TTC23: variants seen among roughly 807,000 people sequenced by gnomAD.
TTC23 encodes tetratricopeptide repeat domain 23.
Under a neutral mutation model 55.1 loss-of-function variants are expected in TTC23, and 58 were observed. That is an observed-to-expected ratio of 1.05 (90% CI 0.85 to 1.31). TTC23 has a LOEUF of 1.31. Among genes scored for constraint, TTC23 ranks in the 50% most tolerant of loss-of-function variants. The probability of loss-of-function intolerance (pLI) is 0.00; values close to 1 mark genes in which losing one functional copy is unlikely to be tolerated. For missense variants in TTC23, 516 were observed against 534.4 expected, an observed-to-expected ratio of 0.97 and a Z score of 0.34; for synonymous variants, 203 against 199.9, an observed-to-expected ratio of 1.02 and a Z score of -0.13.
chr15:99,142,193 C>T (rs993110704), intron 12 of TTC23, among the ~76,000 whole-genome samples: 1 of 152,168 alleles, frequency 6.6e-6, no homozygotes, highest in South Asian at 2.1e-4. Flanking sequence ...CCTTCCAGCA[C>T]CCTGCTTGGG....
intron 3 of TTC23, among the ~76,000 whole-genome samples, chr15:99,238,914 C>T (rs1014837038): frequency 3.9e-5 from 6 of 152,016 alleles, no homozygotes; most frequent in African/African-American, 1.4e-4. Flanking sequence ...TATCTTTTTT[C>T]TTGAGCACCT....
intron 8 of TTC23, among the ~76,000 whole-genome samples, chr15:99,217,498 ATTGT>A (rs2077570594): frequency 6.6e-6 from 1 of 152,196 alleles, no homozygotes; most frequent in Non-Finnish European, 1.5e-5. Flanking sequence ...ATAAAACAAT[ATTGT>A]TTGTTATTCA....
intron 11 of TTC23, chr15:99,161,189 T>TA (rs1317034430): frequency 2.0e-5 from 3 of 151,954 alleles, no homozygotes; most frequent in Non-Finnish European, 4.4e-5. Context: ...TATTAATATG[T>TA]ACACACACAC....
At chr15:99,182,107 G>A (rs1426183173) in intron 9 of TTC23, among the ~76,000 whole-genome samples, 1 of 151,968 alleles carries the variant, frequency 6.6e-6, no homozygotes, top group African/African-American at 2.4e-5. Context: ...CTTAAGTGGT[G>A]GAAAAGAATA....
intron 9 of TTC23, among the ~76,000 whole-genome samples, chr15:99,176,911 C>A (rs1336540075): frequency 6.6e-6 from 1 of 152,138 alleles, no homozygotes; most frequent in East Asian, 1.9e-4. Flanking sequence ...CCCACCCTAG[C>A]CAGTGGTGGG....
intron 4 of TTC23, among the ~76,000 whole-genome samples, chr15:99,233,073 A>G (rs766081910): frequency 3.3e-5 from 5 of 152,212 alleles, no homozygotes; most frequent in African/African-American, 4.8e-5. Context: ...CATATGTACA[A>G]TCTACAAAAG....
intron 9 of TTC23, among the ~76,000 whole-genome samples, chr15:99,183,361 A>C: frequency 6.7e-6 from 1 of 149,194 alleles, no homozygotes; most frequent in South Asian, 2.1e-4. Context: ...TCGCTCTGTC[A>C]CCCAGGCTGG....
At chr15:99,219,801 A>G (rs147069972) in intron 6 of TTC23, among the ~76,000 whole-genome samples, 5 of 152,284 alleles carry the variant, frequency 3.3e-5, no homozygotes, top group Non-Finnish European at 7.4e-5. Flanking sequence ...TTCCACTCAC[A>G]TACACACAGC....
chr15:99,181,691 T>C (rs2074131341), intron 9 of TTC23, among the ~76,000 whole-genome samples: 1 of 152,072 alleles, frequency 6.6e-6, no homozygotes. Flanking sequence ...CCCTCTCCCA[T>C]CTCTGCCCAG....
chr15:99,227,651 T>C (rs953709732), intron 5 of TTC23, among the ~76,000 whole-genome samples: 1 of 152,214 alleles, frequency 6.6e-6, no homozygotes, highest in Non-Finnish European at 1.5e-5. Flanking sequence ...CCTCAGTTCC[T>C]GCCCATAATC....
chr15:99,145,650 T>C (rs2068763684), intron 12 of TTC23, among the ~76,000 whole-genome samples: 1 of 152,110 alleles, frequency 6.6e-6, no homozygotes, highest in Non-Finnish European at 1.5e-5. Flanking sequence ...CACCCCTGCA[T>C]CCTCTTTCTC....
chr15:99,245,170 C>T (rs2080130428), intron 2 of TTC23, among the ~76,000 whole-genome samples: 1 of 152,042 alleles, frequency 6.6e-6, no homozygotes, highest in Non-Finnish European at 1.5e-5. Context: ...TTCAATAAAG[C>T]TGGGGAAAAG....
In TTC23 at chr15:99,137,448, C is replaced by G. The variant is rs2067680645; in HGVS notation, c.*562G>C. 1 of 152,400 alleles carries G rather than the reference C, an allele frequency of 6.6e-6. No individual in the cohort carries two copies. The highest frequency in any genetic ancestry group is 1.5e-5 in the Non-Finnish European group (1 of 68,174). The allele number at this position is 152,400 out of a possible 1,614,324, so 9.4% of individuals were successfully genotyped here. ...CAAGTCAGGTGTGTCGGCCTCCTGC[C>G]CCTCCTACTGGGCTCTTTCTCAAAC... On this transcript the variant is annotated 3_prime_UTR_variant, in exon 14 of 14. Transcript: ENST00000394132.
At chr15:99,206,018 TAA>T (rs1304465836) in intron 8 of TTC23, among the ~76,000 whole-genome samples, 1 of 152,062 alleles carries the variant, frequency 6.6e-6, no homozygotes, top group Non-Finnish European at 1.5e-5. Flanking sequence ...AAGTCCTTGT[TAA>T]GTTTTTATCA....
rs200493277 is a variant in TTC23 at position 99,139,508 on chromosome 15, G to A, written c.1144-109C>T. ...GATGACCTCATTCTTAGGCCCTGCT[G>A]TGATGGAATTAGCATGCTCCTGGGA... On this transcript the variant is annotated intron_variant, in intron 12 of 13. Coordinates refer to ENST00000394132, the MANE Select transcript of TTC23 (RefSeq NM_001288615.3). The A allele has an allele frequency of 1.3e-3, 1,988 of 1,561,254 alleles. 3 individuals carry two copies. Among genetic ancestry groups the A allele is most frequent in the Non-Finnish European group, 1.4e-3 (1,658 of 1,152,010 alleles).
intron 10 of TTC23, among the ~76,000 whole-genome samples, chr15:99,170,825 G>C (rs1391408879): frequency 6.6e-6 from 1 of 152,220 alleles, no homozygotes; most frequent in African/African-American, 2.4e-5. Flanking sequence ...CCCTGGCTGG[G>C]TGGTGCCTGT....
intron 10 of TTC23, among the ~76,000 whole-genome samples, chr15:99,163,434 C>T (rs549684390): frequency 1.3e-5 from 2 of 152,238 alleles, no homozygotes; most frequent in East Asian, 3.9e-4. Context: ...CAGAAAGCAC[C>T]CCAACCTCCA....
chr15:99,219,623 A>G (rs1384016846), intron 6 of TTC23, among the ~76,000 whole-genome samples: 1 of 152,190 alleles, frequency 6.6e-6, no homozygotes. Context: ...AATATGAAAC[A>G]AAGTGGAGCA....
At chr15:99,148,048 A>T (rs2069166024) in intron 12 of TTC23, among the ~76,000 whole-genome samples, 1 of 152,086 alleles carries the variant, frequency 6.6e-6, no homozygotes, top group South Asian at 2.1e-4. Flanking sequence ...CCTATTCTCC[A>T]GTCTTGACTT....
Sources: gnomAD v4.1 joint callset for allele counts (sites outside exome capture counted in the v4.1 genomes callset) on GRCh38, gnomAD v4.1.1 for gene constraint, MANE v1.5 for transcripts, NCBI Gene and HGNC (gene_info 2026-07-23, HGNC 2026-07-21) for gene names.